Variants in ZNF385D observed in about 807,000 individuals in gnomAD.
The protein encoded by ZNF385D is zinc finger protein 659.
A neutral mutation model predicts 35.8 loss-of-function variants in ZNF385D; 15 were observed. The ratio of observed to expected loss-of-function variants is 0.42; its 90% CI spans 0.28 to 0.64. The LOEUF is 0.64. Ranked by LOEUF, ZNF385D falls within the 30% of genes least tolerant of loss-of-function variation. The probability of loss-of-function intolerance (pLI) is 0.23; values close to 1 mark genes in which losing one functional copy is unlikely to be tolerated. For missense variants in ZNF385D, 474 were observed against 494.6 expected (o/e 0.96, Z 0.39); for synonymous variants, 212 against 186.8 (o/e 1.13, Z -1.10).
chr3:22,238,728 T>C (rs1699327336), intron 2 of ZNF385D, among the ~76,000 whole-genome samples: 1 of 150,856 alleles, frequency 6.6e-6, no homozygotes, highest in Non-Finnish European at 1.5e-5. Context: ...TTTCTTAATA[T>C]TTTTTATATA....
intron 3 of ZNF385D, among the ~76,000 whole-genome samples, chr3:22,033,200 G>C (rs978177836): frequency 2.0e-5 from 3 of 151,940 alleles, no homozygotes; most frequent in East Asian, 1.9e-4. Flanking sequence ...TCAGGCATTC[G>C]AGACCAAACG....
chr3:21,902,162 T>C (rs577823876), intron 3 of ZNF385D, among the ~76,000 whole-genome samples: 139 of 152,310 alleles, frequency 9.1e-4, no homozygotes, highest in African/African-American at 3.3e-3. Context: ...CATTTAAAAC[T>C]TTATTTCAAA....
At chr3:22,013,610 C>A (rs1486924150) in intron 3 of ZNF385D, among the ~76,000 whole-genome samples, 2 of 152,086 alleles carry the variant, frequency 1.3e-5, no homozygotes, top group Non-Finnish European at 2.9e-5. Flanking sequence ...ATCAAGTCGA[C>A]CACTAGGATT....
chr3:21,533,827 G>A (rs1464400451), intron 3 of ZNF385D, among the ~76,000 whole-genome samples: 1 of 152,048 alleles, frequency 6.6e-6, no homozygotes, highest in Non-Finnish European at 1.5e-5. Flanking sequence ...TTAACCAAAA[G>A]GAGAGACTAT....
At chr3:21,783,334 T>A (rs1050691274) in intron 3 of ZNF385D, among the ~76,000 whole-genome samples, 2 of 151,820 alleles carry the variant, frequency 1.3e-5, no homozygotes. Context: ...TCCCAGGGAG[T>A]CTCAAATATT....
chr3:21,968,363 T>C (rs185825505), intron 3 of ZNF385D, among the ~76,000 whole-genome samples: 34 of 152,164 alleles, frequency 2.2e-4, no homozygotes, highest in African/African-American at 7.9e-4. Flanking sequence ...CCCAGGCAAG[T>C]CCAGGTGCTG....
intron 3 of ZNF385D, among the ~76,000 whole-genome samples, chr3:21,906,749 GGCC>G (rs1159219497): frequency 5.9e-5 from 9 of 152,036 alleles, no homozygotes; most frequent in Non-Finnish European, 1.2e-4. Context: ...AAAGTCCTGG[GGCC>G]CTTGCCTGTC....
intron 3 of ZNF385D, among the ~76,000 whole-genome samples, chr3:22,102,533 A>G (rs1460916271): frequency 2.0e-5 from 3 of 152,026 alleles, no homozygotes; most frequent in East Asian, 1.9e-4. Flanking sequence ...AGGGAAGGCT[A>G]TCCCTTGAGT....
At chr3:22,140,406 T>C (rs1704434245) in intron 3 of ZNF385D, among the ~76,000 whole-genome samples, 1 of 152,104 alleles carries the variant, frequency 6.6e-6, no homozygotes, top group South Asian at 2.1e-4. Context: ...AGGCCGAGGT[T>C]GGGGAAAGGG....
intron 3 of ZNF385D, among the ~76,000 whole-genome samples, chr3:21,950,148 G>C (rs1219960112): frequency 2.0e-5 from 3 of 151,692 alleles, no homozygotes; most frequent in Admixed American, 6.6e-5. Flanking sequence ...TTCTACAATG[G>C]TTGAACTAAT....
intron 3 of ZNF385D, among the ~76,000 whole-genome samples, chr3:22,017,231 G>T (rs1186719147): frequency 2.6e-5 from 4 of 152,112 alleles, no homozygotes; most frequent in African/African-American, 9.6e-5. Context: ...TTTAGGCTAT[G>T]TTGTGAAGTG....
intron 1 of ZNF385D, among the ~76,000 whole-genome samples, chr3:21,704,931 A>G (rs2067844119): frequency 6.6e-6 from 1 of 152,166 alleles, no homozygotes; most frequent in South Asian, 2.1e-4. Context: ...GTGCTATGTC[A>G]TATATTTCCA....
chr3:22,221,497 G>C (rs1698254210), intron 2 of ZNF385D, among the ~76,000 whole-genome samples: 1 of 152,082 alleles, frequency 6.6e-6, no homozygotes, highest in Admixed American at 6.6e-5. Flanking sequence ...GTGTTCTTAA[G>C]ACTGAAAATC....
At chr3:21,960,118 G>C (rs1027973930) in intron 3 of ZNF385D, among the ~76,000 whole-genome samples, 1 of 148,092 alleles carries the variant, frequency 6.8e-6, no homozygotes. Context: ...AAAATCTGTA[G>C]AAGGGAAGAA....
chr3:22,147,568 T>G (rs1282395422), intron 3 of ZNF385D, among the ~76,000 whole-genome samples: 2 of 152,132 alleles, frequency 1.3e-5, no homozygotes, highest in African/African-American at 4.8e-5. Flanking sequence ...AAATGAAATA[T>G]TAATGGTAAT....
At chr3:22,061,438 T>A (rs927131412) in intron 3 of ZNF385D, among the ~76,000 whole-genome samples, 1 of 152,166 alleles carries the variant, frequency 6.6e-6, no homozygotes, top group African/African-American at 2.4e-5. Context: ...AAGTCCTGCT[T>A]AAACGTTTAC....
chr3:21,990,219 C>T (rs1221473108), intron 3 of ZNF385D, among the ~76,000 whole-genome samples: 1 of 152,166 alleles, frequency 6.6e-6, no homozygotes, highest in African/African-American at 2.4e-5. Flanking sequence ...TTTGCCAGTG[C>T]AATTGCACTG....
At chr3:21,703,233 G>T (rs2067760247) in intron 1 of ZNF385D, among the ~76,000 whole-genome samples, 3 of 152,090 alleles carry the variant, frequency 2.0e-5, no homozygotes, top group South Asian at 4.1e-4. Context: ...GGTGGCAAGA[G>T]AAAAATAAGG....
chr3:22,225,782 T>G (rs1434695608), intron 2 of ZNF385D, among the ~76,000 whole-genome samples: 1 of 152,208 alleles, frequency 6.6e-6, no homozygotes, highest in Non-Finnish European at 1.5e-5. Context: ...TAATATCAAA[T>G]TTTTACACTC....
Sources: allele counts gnomAD v4.1 joint callset (sites outside exome capture counted in the v4.1 genomes callset), GRCh38; gene constraint gnomAD v4.1.1; transcripts MANE v1.5; gene names NCBI Gene and HGNC (gene_info 2026-07-23, HGNC 2026-07-21).